Variants in MUSK observed in about 807,000 individuals in gnomAD.
MUSK encodes muscle associated receptor tyrosine kinase.
In MUSK, 55 loss-of-function variants were observed where a neutral mutation model predicts 88.7. The observed-to-expected ratio is 0.62, with a 90% confidence interval of 0.50 to 0.78. MUSK has a LOEUF of 0.78. Ranked by LOEUF, MUSK falls within the 30% of genes least tolerant of loss-of-function variation. MUSK has a pLI of 0.00. For missense variants in MUSK, 1,015 were observed against 1,074.3 expected (o/e 0.94, Z 0.77); for synonymous variants, 387 against 391.9 (o/e 0.99, Z 0.15).
chr9:110,708,040 A>G (rs961511618), intron 5 of MUSK, among the ~76,000 whole-genome samples: 9 of 152,362 alleles, frequency 5.9e-5, no homozygotes, highest in Admixed American at 3.3e-4. Flanking sequence ...TTTTGCAGAC[A>G]TATGAAATAG....
At chr9:110,677,185 T>C (rs1000293343) in intron 1 of MUSK, among the ~76,000 whole-genome samples, 1 of 152,182 alleles carries the variant, frequency 6.6e-6, no homozygotes, top group African/African-American at 2.4e-5. Context: ...AACCCACTCT[T>C]GTCACCATAC....
At chr9:110,675,747 T>G (rs980370718) in intron 1 of MUSK, among the ~76,000 whole-genome samples, 1 of 150,182 alleles carries the variant, frequency 6.7e-6, no homozygotes, top group African/African-American at 2.5e-5. Context: ...TTTTTGTATT[T>G]TTAGTAGAGA....
rs1469118134 is a variant in MUSK at position 110,802,472 on chromosome 9, G to T, written c.*1484G>T. ...GGAGGAATGGTGTGAATTCTTGAAAGTAGATTTTCGCTGTCTGCTGGAAAA... is the reference window on the plus strand; with the variant it reads ...GGAGGAATGGTGTGAATTCTTGAAATTAGATTTTCGCTGTCTGCTGGAAAA... On this transcript the variant is annotated 3_prime_UTR_variant, in exon 15 of 15. Transcript: ENST00000374448. 6.6e-6 allele frequency among the ~76,000 whole-genome samples: 1 copy of T among 152,212 alleles called. No individual in the cohort carries two copies. The highest frequency in any genetic ancestry group is 1.5e-5 in the Non-Finnish European group (1 of 68,038).
chr9:110,733,781 A>C (rs1463212499), intron 5 of MUSK, among the ~76,000 whole-genome samples: 2 of 152,096 alleles, frequency 1.3e-5, no homozygotes, highest in Non-Finnish European at 2.9e-5. Flanking sequence ...TCTAATGGGA[A>C]AGGGGAATAA....
chr9:110,802,166 G>A lies in MUSK; in HGVS notation c.*1178G>A, dbSNP rs185109160. On this transcript the variant is annotated 3_prime_UTR_variant, in exon 15 of 15. Coordinates refer to ENST00000374448, the MANE Select transcript of MUSK (RefSeq NM_005592.4). The stretch of plus-strand genomic sequence containing the variant: ...TTCAGTTGGCTGTAGAATTAATATC[G>A]TTCTGCTTAACAACTTTGTGCATGA... 2.6e-3 allele frequency among the ~76,000 whole-genome samples: 390 copies of A among 151,712 alleles called. No individual in the cohort carries two copies. Among genetic ancestry groups the A allele is most frequent in the African/African-American group, 7.9e-3 (327 of 41,330 alleles).
At chr9:110,799,402 A>G (rs2132062401) in intron 14 of MUSK, among the ~76,000 whole-genome samples, 1 of 152,314 alleles carries the variant, frequency 6.6e-6, no homozygotes, top group East Asian at 1.9e-4. Flanking sequence ...CTAAGACTTT[A>G]TTTATATTAA....
At chr9:110,680,246 A>G (rs2076089850) in intron 1 of MUSK, among the ~76,000 whole-genome samples, 2 of 152,172 alleles carry the variant, frequency 1.3e-5, no homozygotes, top group Admixed American at 1.3e-4. Context: ...GTTGCTGAAT[A>G]ATCTCAGGTT....
At chr9:110,740,981 G>T (rs929661742) in intron 6 of MUSK, among the ~76,000 whole-genome samples, 1 of 152,132 alleles carries the variant, frequency 6.6e-6, no homozygotes, top group Non-Finnish European at 1.5e-5. Flanking sequence ...GGCTGTCAGG[G>T]ATGGGAGGAT....
At position 110,687,124 on chromosome 9, in the gene MUSK, G is replaced by T; in HGVS notation, c.214G>T (p.Asp72Tyr). 1 of 1,612,740 alleles carries T rather than the reference G, an allele frequency of 6.2e-7. No individual in the cohort carries two copies. Among genetic ancestry groups the T allele is most frequent in the South Asian group, 1.1e-5 (1 of 90,882 alleles). ...TRNKILIKLF[D>Y]TRYSIRENGQ... Reference sequence around the variant, plus strand: ...TTTTTCTGTGACCTGCAGACTCTTTGACACCCGGTACAGCATCCGGGAGAA... The same window carrying T: ...TTTTTCTGTGACCTGCAGACTCTTTTACACCCGGTACAGCATCCGGGAGAA... Residue 72 changes from aspartate to tyrosine, a missense_variant, in exon 3 of 15, where the codon GAC (aspartate) becomes TAC (tyrosine). Asp to Tyr is a radical substitution (Grantham distance 160). Coordinates refer to ENST00000374448, the MANE Select transcript of MUSK (RefSeq NM_005592.4).
intron 1 of MUSK, among the ~76,000 whole-genome samples, chr9:110,672,480 T>C (rs969385510): frequency 1.8e-4 from 28 of 152,236 alleles, no homozygotes; most frequent in African/African-American, 5.3e-4. Flanking sequence ...GCTGGATTAA[T>C]TCAGGATTGG....
intron 9 of MUSK, among the ~76,000 whole-genome samples, chr9:110,772,274 C>G (rs893260681): frequency 6.6e-6 from 1 of 151,612 alleles, no homozygotes; most frequent in Non-Finnish European, 1.5e-5. Context: ...GCCTGAGCCA[C>G]AGATGTTCTT....
chr9:110,741,556 T>G (rs2077099257), intron 6 of MUSK, among the ~76,000 whole-genome samples: 1 of 152,186 alleles, frequency 6.6e-6, no homozygotes, highest in South Asian at 2.1e-4. Context: ...CCAAATTCTA[T>G]GGCTACCCCA....
At chr9:110,731,669 T>C (rs926002518) in intron 5 of MUSK, among the ~76,000 whole-genome samples, 3 of 152,076 alleles carry the variant, frequency 2.0e-5, no homozygotes, top group African/African-American at 7.2e-5. Context: ...AGCAGTCTCA[T>C]ATTCATGAAG....
intron 9 of MUSK, chr9:110,775,488 G>T: frequency 2.8e-6 from 1 of 359,200 alleles, no homozygotes; most frequent in South Asian, 2.8e-5. Flanking sequence ...ATATGAAGTT[G>T]GGAGAAGACA....
At chr9:110,746,989 T>G (rs1256180096) in intron 6 of MUSK, among the ~76,000 whole-genome samples, 2 of 152,098 alleles carry the variant, frequency 1.3e-5, no homozygotes, top group African/African-American at 4.8e-5. Context: ...AAGACATATA[T>G]CAGAGGATCC....
rs776815006 is a variant in MUSK at position 110,687,143 on chromosome 9, G to A, written c.233G>A (p.Arg78Gln). The change falls in exon 3 of 15, where the codon CGG becomes CAG. Residue 78 changes from arginine to glutamine, a missense_variant. By Grantham distance (43) the Arg-to-Gln change is conservative. Transcript: ENST00000374448. ...IKLFDTRYSI[R>Q]ENGQLLTILS... ...CTCTTTGACACCCGGTACAGCATCC[G>A]GGAGAATGGGCAGCTCCTCACCATC... is the stretch of plus-strand genomic sequence containing the variant. 2.7e-5 allele frequency: 43 copies of A among 1,613,392 alleles called. No individual in the cohort carries two copies. The highest frequency in any genetic ancestry group is 1.2e-4 in the South Asian group (11 of 91,054).
intron 7 of MUSK, among the ~76,000 whole-genome samples, chr9:110,751,201 A>G (rs1390795081): frequency 1.3e-5 from 2 of 152,220 alleles, no homozygotes; most frequent in Non-Finnish European, 2.9e-5. Flanking sequence ...CAGCAACATC[A>G]TGACTTCATT....
At position 110,800,655 on chromosome 9, in the gene MUSK, T is replaced by C. The variant is rs2132067450; in HGVS notation, c.2277T>C (p.Asn759=). ...ACTCAGCAGACTACTACAAAGCTAA[T>C]GAAAACGACGCTATCCCTATCCGTT... ...NIYSADYYKA[N]ENDAIPIRWM... Residue 759 remains asparagine (N), a synonymous_variant, in exon 15 of 15, where the codon AAT becomes AAC. Coordinates refer to ENST00000374448, the MANE Select transcript of MUSK (RefSeq NM_005592.4). 6 of 1,613,870 alleles carry C rather than the reference T, an allele frequency of 3.7e-6. No homozygotes were observed. Among genetic ancestry groups the C allele is most frequent in the East Asian group, 2.2e-5 (1 of 44,848 alleles).
intron 5 of MUSK, among the ~76,000 whole-genome samples, chr9:110,729,503 A>C (rs2131827788): frequency 6.6e-6 from 1 of 152,032 alleles, no homozygotes; most frequent in South Asian, 2.1e-4. Flanking sequence ...TATTTAAAAC[A>C]GTACCTCCTT....
Sources: allele counts gnomAD v4.1 joint callset (sites outside exome capture counted in the v4.1 genomes callset), GRCh38; gene constraint gnomAD v4.1.1; transcripts MANE v1.5; gene names NCBI Gene and HGNC (gene_info 2026-07-23, HGNC 2026-07-21).